SCN1A: variants seen among roughly 807,000 people sequenced by gnomAD.
SCN1A encodes sodium voltage-gated channel alpha subunit 1.
SCN1A carries 13 observed loss-of-function variants against 193.7 expected under a neutral mutation model. The ratio of observed to expected loss-of-function variants is 0.07; its 90% confidence interval spans 0.04 to 0.11. SCN1A has a LOEUF of 0.11. SCN1A is among the 10% of genes least tolerant of loss of function. The pLI is 1.00. For missense variants in SCN1A, 1,432 were observed against 2,451.1 expected, an observed-to-expected ratio of 0.58 and a Z score of 8.78; for synonymous variants, 781 against 843.6, an observed-to-expected ratio of 0.93 and a Z score of 1.29.
chr2:166,039,362 T>C, intron 17 of SCN1A, 61 bp downstream of exon 17: 1 of 1,552,596 alleles, frequency 6.4e-7, no homozygotes, highest in Non-Finnish European at 8.8e-7. Context: ...GACATTGCTA[T>C]GCAAGAACCC....
intron 2 of SCN1A, among the ~76,000 whole-genome samples, chr2:166,081,207 C>G (rs1379988778): frequency 6.6e-6 from 1 of 151,828 alleles, no homozygotes; most frequent in Admixed American, 6.6e-5. Flanking sequence ...AATCCTAACC[C>G]ATGAAGCCTT....
At chr2:166,050,119 A>C (rs2105880250) in intron 9 of SCN1A, among the ~76,000 whole-genome samples, 1 of 152,042 alleles carries the variant, frequency 6.6e-6, no homozygotes, top group African/African-American at 2.4e-5. Context: ...CTTTCAATTA[A>C]AATTAAACAA....
rs1573944589 is a variant in SCN1A at position 165,991,674 on chromosome 2, G to A, written c.5601C>T (p.Ile1867=). 3.7e-6 allele frequency: 6 copies of A among 1,613,822 alleles called. No homozygotes were observed. In the Admixed American group the frequency reaches 1.0e-4, roughly 27 times the overall value. Residue 1867 remains isoleucine (I), a synonymous_variant, in exon 29 of 29, where the codon ATC becomes ATT. Transcript: ENST00000674923. Reference sequence around the variant, plus strand: ...GAACCCGCTTTGTAAAAGCAAATAAGATATCAAGACAGTGGATCCGGTCAC... The same window carrying A: ...GAACCCGCTTTGTAAAAGCAAATAAAATATCAAGACAGTGGATCCGGTCAC... The part of the protein sequence containing the change: ...VSGDRIHCLD[I]LFAFTKRVLG...
intron 2 of SCN1A, among the ~76,000 whole-genome samples, chr2:166,101,965 A>C (rs886473712): frequency 6.6e-6 from 1 of 152,238 alleles, no homozygotes; most frequent in South Asian, 2.1e-4. Context: ...AAATATTTGC[A>C]AACCATGCAT....
chr2:166,060,220 T>C (rs1683144454), intron 4 of SCN1A: 1 of 152,172 alleles, frequency 6.6e-6, no homozygotes, highest in African/African-American at 2.4e-5. Context: ...TGAAGGAGTA[T>C]GAGTCCAGAA....
At chr2:165,998,882 A>G (rs1690444204) in intron 25 of SCN1A, among the ~76,000 whole-genome samples, 1 of 151,472 alleles carries the variant, frequency 6.6e-6, no homozygotes, top group South Asian at 2.1e-4. Flanking sequence ...TATCAAAATG[A>G]TATTCAACAT....
intron 21 of SCN1A, 72 bp downstream of exon 21, chr2:166,013,672 G>C: frequency 7.3e-7 from 1 of 1,373,644 alleles, no homozygotes; most frequent in Non-Finnish European, 1.0e-6. Context: ...ATGAAACAAA[G>C]GATTAATAAG....
intron 19 of SCN1A, among the ~76,000 whole-genome samples, chr2:166,020,038 G>T (rs1262650584): frequency 6.6e-6 from 1 of 151,566 alleles, no homozygotes; most frequent in Non-Finnish European, 1.5e-5. Flanking sequence ...AGCCTCCCAA[G>T]TAGCTGGGAC....
At chr2:166,066,669 C>T (rs1683873636) in intron 4 of SCN1A, among the ~76,000 whole-genome samples, 1 of 152,030 alleles carries the variant, frequency 6.6e-6, no homozygotes, top group African/African-American at 2.4e-5. Context: ...AAAATGAGGC[C>T]ATCAGCTTCC....
intron 2 of SCN1A, among the ~76,000 whole-genome samples, chr2:166,122,538 A>T (rs1222531244): frequency 2.0e-5 from 3 of 152,222 alleles, no homozygotes; most frequent in Admixed American, 1.3e-4. Context: ...TTCTTAAAAG[A>T]TATATCCCTA....
At chr2:166,057,756 C>G (rs1699275220) in intron 5 of SCN1A, among the ~76,000 whole-genome samples, 2 of 151,742 alleles carry the variant, frequency 1.3e-5, no homozygotes, top group Non-Finnish European at 2.9e-5. Context: ...AAAGTATGAG[C>G]TTATGATAAT....
intron 4 of SCN1A, among the ~76,000 whole-genome samples, chr2:166,072,870 C>T (rs1684594680): frequency 8.4e-6 from 1 of 118,738 alleles, no homozygotes; most frequent in African/African-American, 3.8e-5. Context: ...CACAGTCTTG[C>T]TCTGTCTCCA....
intron 2 of SCN1A, among the ~76,000 whole-genome samples, chr2:166,079,569 G>C (rs959926559): frequency 6.7e-6 from 1 of 150,314 alleles, no homozygotes; most frequent in Non-Finnish European, 1.5e-5. Flanking sequence ...GACAATCACC[G>C]TCTTTCAGAG....
At chr2:166,125,126 A>C (rs745727730) in intron 2 of SCN1A, among the ~76,000 whole-genome samples, 14 of 152,182 alleles carry the variant, frequency 9.2e-5, no homozygotes, top group Non-Finnish European at 1.5e-4. Flanking sequence ...ATGCAATCTC[A>C]ATTGAGCGGT....
intron 9 of SCN1A, among the ~76,000 whole-genome samples, chr2:166,050,490 A>T (rs1254864033): frequency 6.7e-6 from 1 of 148,698 alleles, no homozygotes; most frequent in Non-Finnish European, 1.5e-5. Flanking sequence ...GAACTTAGAT[A>T]AAACAAACAA....
intron 1 of SCN1A, among the ~76,000 whole-genome samples, chr2:166,146,309 C>T (rs950602759): frequency 6.6e-6 from 1 of 152,138 alleles, no homozygotes; most frequent in Non-Finnish European, 1.5e-5. Context: ...CCACCTTATA[C>T]CTGAGTTATA....
intron 7 of SCN1A, 57 bp from the exon 8 acceptor site, chr2:166,053,000 G>T: frequency 6.8e-7 from 1 of 1,467,982 alleles, no homozygotes; most frequent in East Asian, 2.3e-5. Flanking sequence ...AAAAGCTGTA[G>T]GTACAAAGAG....
At chr2:166,115,925 A>C (rs1446686425) in intron 2 of SCN1A, among the ~76,000 whole-genome samples, 1 of 152,246 alleles carries the variant, frequency 6.6e-6, no homozygotes, top group African/African-American at 2.4e-5. Context: ...ACACAAAAGG[A>C]AATTAATCAT....
chr2:166,088,276 G>A (rs970525381), intron 2 of SCN1A, among the ~76,000 whole-genome samples: 7 of 152,020 alleles, frequency 4.6e-5, no homozygotes, highest in Non-Finnish European at 8.8e-5. Context: ...CAAAGTGAAT[G>A]TTGATAAACA....
Sources: allele counts gnomAD v4.1 joint callset (sites outside exome capture counted in the v4.1 genomes callset), GRCh38; gene constraint gnomAD v4.1.1; transcripts MANE v1.5; gene names NCBI Gene and HGNC (gene_info 2026-07-23, HGNC 2026-07-21).